The following NKAIN2 variants were observed in gnomAD, a reference collection of about 807,000 sequenced individuals.
The protein encoded by NKAIN2 is sodium/potassium-transporting ATPase subunit beta-1-interacting protein 2.
NKAIN2 carries 14 observed loss-of-function variants against 32.6 expected under a neutral mutation model. The ratio of observed to expected loss-of-function variants is 0.43; its 90% CI spans 0.28 to 0.67. The LOEUF (loss-of-function observed/expected upper bound fraction) is 0.67, where lower values mean the gene tolerates loss of function less well. Among genes scored for constraint, NKAIN2 ranks in the 30% least tolerant of loss-of-function variants. NKAIN2 has a pLI of 0.17. For missense variants in NKAIN2, 198 were observed against 258.3 expected, an observed-to-expected ratio of 0.77 and a Z score of 1.60; for synonymous variants, 80 against 87.2, an observed-to-expected ratio of 0.92 and a Z score of 0.46.
intron 2 of NKAIN2, among the ~76,000 whole-genome samples, chr6:124,314,634 T>C (rs1796863526): frequency 6.6e-6 from 1 of 152,128 alleles, no homozygotes; most frequent in Non-Finnish European, 1.5e-5. Context: ...GGGGCCTTTC[T>C]ATCCATACCT....
chr6:124,384,352 G>A (rs1772792325), intron 3 of NKAIN2, among the ~76,000 whole-genome samples: 1 of 152,102 alleles, frequency 6.6e-6, no homozygotes, highest in African/African-American at 2.4e-5. Context: ...GCAAGGAGTT[G>A]AGAAGTATTC....
chr6:124,573,936 C>T (rs541983873), intron 3 of NKAIN2, among the ~76,000 whole-genome samples: 1 of 152,326 alleles, frequency 6.6e-6, no homozygotes, highest in African/African-American at 2.4e-5. Flanking sequence ...GCTCTGCTAA[C>T]AGAGGCTTTT....
chr6:124,612,530 T>C (rs1459049343), intron 3 of NKAIN2, among the ~76,000 whole-genome samples: 2 of 152,028 alleles, frequency 1.3e-5, no homozygotes, highest in African/African-American at 4.8e-5. Context: ...TGAAGTCTTA[T>C]ACCTGTAAGG....
At chr6:124,508,870 A>G (rs1215127263) in intron 3 of NKAIN2, among the ~76,000 whole-genome samples, 1 of 152,062 alleles carries the variant, frequency 6.6e-6, no homozygotes, top group Admixed American at 6.6e-5. Flanking sequence ...CTGTGCATCT[A>G]TCTCATCATA....
chr6:124,277,573 G>A (rs560936009), intron 1 of NKAIN2, among the ~76,000 whole-genome samples: 1 of 152,056 alleles, frequency 6.6e-6, no homozygotes, highest in South Asian at 2.1e-4. Flanking sequence ...GTTGATTCCT[G>A]GAATTGTATT....
chr6:124,337,586 C>A (rs561498045), intron 2 of NKAIN2, among the ~76,000 whole-genome samples: 1 of 152,078 alleles, frequency 6.6e-6, no homozygotes, highest in Non-Finnish European at 1.5e-5. Context: ...AAATGCAAAC[C>A]GAGTGATCAC....
At chr6:123,982,304 C>T (rs192872644) in intron 1 of NKAIN2, among the ~76,000 whole-genome samples, 130 of 152,292 alleles carry the variant, frequency 8.5e-4, no homozygotes, top group African/African-American at 2.7e-3. Flanking sequence ...ATAGACTTAA[C>T]ACAATTGTGA....
At chr6:124,384,886 G>A (rs1254228616) in intron 3 of NKAIN2, among the ~76,000 whole-genome samples, 1 of 152,130 alleles carries the variant, frequency 6.6e-6, no homozygotes, top group Non-Finnish European at 1.5e-5. Flanking sequence ...GCCTCCTAAA[G>A]TGCTGGGATT....
At chr6:124,054,309 T>A (rs1167839005) in intron 1 of NKAIN2, among the ~76,000 whole-genome samples, 1 of 151,998 alleles carries the variant, frequency 6.6e-6, no homozygotes, top group African/African-American at 2.4e-5. Context: ...CCTGACAGTG[T>A]AAAATAGGAC....
intron 1 of NKAIN2, among the ~76,000 whole-genome samples, chr6:123,960,695 A>C (rs1777805111): frequency 6.6e-6 from 1 of 151,768 alleles, no homozygotes; most frequent in South Asian, 2.1e-4. Flanking sequence ...AGGTGGAAGC[A>C]GGCCCCCAGC....
intron 1 of NKAIN2, among the ~76,000 whole-genome samples, chr6:123,978,526 A>G (rs1485733895): frequency 6.6e-6 from 1 of 152,214 alleles, no homozygotes; most frequent in Non-Finnish European, 1.5e-5. Context: ...CTGTGCTGAT[A>G]CATAGTGTGA....
At chr6:124,732,964 A>C (rs985807067) in intron 4 of NKAIN2, among the ~76,000 whole-genome samples, 1 of 151,998 alleles carries the variant, frequency 6.6e-6, no homozygotes, top group Non-Finnish European at 1.5e-5. Context: ...ACCGTGATAC[A>C]TCCATAAAAA....
chr6:124,246,542 T>C (rs112908788), intron 1 of NKAIN2, among the ~76,000 whole-genome samples: 118 of 152,152 alleles, frequency 7.8e-4, no homozygotes, highest in African/African-American at 2.6e-3. Flanking sequence ...GTCTTAAAAG[T>C]TTTATGACCT....
intron 1 of NKAIN2, among the ~76,000 whole-genome samples, chr6:123,913,084 A>C (rs144066721): frequency 1.0e-3 from 157 of 152,300 alleles, no homozygotes; most frequent in South Asian, 3.5e-3. Flanking sequence ...CCCAATCATG[A>C]TGGTTAATTT....
chr6:124,456,413 C>T (rs561592929), intron 3 of NKAIN2, among the ~76,000 whole-genome samples: 12 of 151,828 alleles, frequency 7.9e-5, no homozygotes, highest in Non-Finnish European at 1.8e-4. Flanking sequence ...AGAACAAATT[C>T]CTAATATGGG....
At chr6:124,808,534 A>T (rs866863480) in intron 5 of NKAIN2, among the ~76,000 whole-genome samples, 1 of 152,236 alleles carries the variant, frequency 6.6e-6, no homozygotes, top group African/African-American at 2.4e-5. Flanking sequence ...ATCATACTGA[A>T]TGGGCAAAAA....
At chr6:124,676,348 A>G (rs1432948335) in intron 4 of NKAIN2, among the ~76,000 whole-genome samples, 5 of 152,044 alleles carry the variant, frequency 3.3e-5, no homozygotes, top group Admixed American at 3.3e-4. Flanking sequence ...CATTTTGTCT[A>G]TATTGTTGTT....
At chr6:124,128,472 C>T (rs894991803) in intron 1 of NKAIN2, among the ~76,000 whole-genome samples, 1 of 152,114 alleles carries the variant, frequency 6.6e-6, no homozygotes, top group Non-Finnish European at 1.5e-5. Flanking sequence ...TTGGGTGTGT[C>T]ATGTGCCTGG....
chr6:124,233,237 A>G (rs1176900490), intron 1 of NKAIN2, among the ~76,000 whole-genome samples: 1 of 152,178 alleles, frequency 6.6e-6, no homozygotes, highest in Non-Finnish European at 1.5e-5. Flanking sequence ...AAAAAAAAAA[A>G]CAGAAGTTCA....
Sources: allele counts gnomAD v4.1 joint callset (sites outside exome capture counted in the v4.1 genomes callset), GRCh38; gene constraint gnomAD v4.1.1; transcripts MANE v1.5; gene names NCBI Gene and HGNC (gene_info 2026-07-23, HGNC 2026-07-21).